The following IREB2 variants were observed in gnomAD, a reference collection of about 807,000 sequenced individuals.
The protein encoded by IREB2 is iron responsive element binding protein 2.
In IREB2, 39 loss-of-function variants were observed where a neutral mutation model predicts 118.8. That is an observed-to-expected ratio of 0.33 (90% confidence interval 0.25 to 0.43). The LOEUF (loss-of-function observed/expected upper bound fraction) is 0.43, where lower values mean the gene tolerates loss of function less well. Among genes scored for constraint, IREB2 ranks in the 20% least tolerant of loss-of-function variants. The pLI is 1.00. For missense variants in IREB2, 900 were observed against 1,147.3 expected (o/e 0.78, Z 3.11); for synonymous variants, 372 against 392.2 (o/e 0.95, Z 0.61).
intron 2 of IREB2, among the ~76,000 whole-genome samples, chr15:78,442,330 G>A (rs996885818): frequency 2.0e-5 from 3 of 152,184 alleles, no homozygotes; most frequent in Non-Finnish European, 4.4e-5. Flanking sequence ...GAAGTATTTG[G>A]TTGTTTAACC....
Position 78,477,460 on chromosome 15 carries a change from T to C in IREB2, c.1196-837T>C, listed in dbSNP as rs117792246. Among the ~76,000 whole-genome samples, 1,224 of 152,286 alleles carry C rather than the reference T, an allele frequency of 8.0e-3. 8 individuals carry two copies. The highest frequency in any genetic ancestry group is 0.017 in the Middle Eastern group (5 of 294). ...GCTGTCAGCTGAGGACTTAGGTAAG[T>C]CTATCAGGCAAAACACCCTCATGTG... On this transcript the variant is annotated intron_variant, in intron 9 of 21. Transcript: ENST00000258886.
Position 78,465,299 on chromosome 15 carries a change from A to G in IREB2, c.321A>G (p.Lys107=), listed in dbSNP as rs780324273. The change falls in exon 4 of 22, where the codon AAA becomes AAG. Residue 107 remains lysine, a synonymous_variant. Coordinates refer to ENST00000258886, the MANE Select transcript of IREB2 (RefSeq NM_004136.4). ...VDFAAMREAV[K]TLGGDPEKVH... Reference sequence around the variant, plus strand: ...TTGCTGCTATGAGGGAGGCAGTGAAAACTCTTGGAGGTGATCCTGAGAAAG... The same window carrying G: ...TTGCTGCTATGAGGGAGGCAGTGAAGACTCTTGGAGGTGATCCTGAGAAAG... The G allele has an allele frequency of 1.1e-5, 17 of 1,613,008 alleles. No homozygotes were observed. The highest frequency in any genetic ancestry group is 1.2e-5 in the Non-Finnish European group (14 of 1,179,642).
chr15:78,454,877 A>G (rs754576457), intron 2 of IREB2, among the ~76,000 whole-genome samples: 2 of 152,138 alleles, frequency 1.3e-5, no homozygotes, highest in African/African-American at 2.4e-5. Flanking sequence ...ATTTTCTTGT[A>G]GAGATGATCT....
In IREB2 at chr15:78,443,273, G is replaced by A. The variant is rs576567474; in HGVS notation, c.106+3392G>A. 2.6e-5 allele frequency among the ~76,000 whole-genome samples: 4 copies of A among 152,270 alleles called. No homozygotes were observed. In the South Asian group the frequency reaches 6.2e-4, roughly 24 times the overall value. On this transcript the variant is annotated intron_variant, in intron 2 of 21. Transcript: ENST00000258886. ...AGTATCTTATTGTGCTGTTCTGCAG[G>A]TAACTGAAACCACAGAAAGCCAAAC...
chr15:78,488,266 C>T lies in IREB2; in HGVS notation c.1881C>T (p.Ala627=). 1.2e-6 allele frequency: 2 copies of T among 1,611,676 alleles called. No homozygotes were observed. Among genetic ancestry groups the T allele is most frequent in the African/African-American group, 1.3e-5 (1 of 74,906 alleles). Reference sequence around the variant, plus strand: ...ATTGTGTTCGTGCCAATTATCTTGCCTCTCCACCCTTAGTGGTAGCTTATG... The same window carrying T: ...ATTGTGTTCGTGCCAATTATCTTGCTTCTCCACCCTTAGTGGTAGCTTATG... ...LCDCVRANYL[A]SPPLVVAYAI... Residue 627 remains alanine (A), a synonymous_variant, in exon 15 of 22, where the codon GCC becomes GCT. Coordinates refer to ENST00000258886, the MANE Select transcript of IREB2 (RefSeq NM_004136.4).
intron 11 of IREB2, 72 bp from the exon 12 acceptor site, chr15:78,484,689 T>C (rs2051629911): frequency 1.9e-6 from 2 of 1,062,658 alleles, no homozygotes; most frequent in Admixed American, 2.2e-5. Context: ...GTATCTGCTA[T>C]GTTTTCTGCC....
At chr15:78,460,720 GA>G (rs1387634146) in intron 2 of IREB2, among the ~76,000 whole-genome samples, 2 of 152,176 alleles carry the variant, frequency 1.3e-5, no homozygotes, top group African/African-American at 2.4e-5. Flanking sequence ...TTCAGTGACA[GA>G]GCTAGAAAAT....
chr15:78,460,850 A>G (rs1168952694), intron 2 of IREB2, among the ~76,000 whole-genome samples: 1 of 152,112 alleles, frequency 6.6e-6, no homozygotes, highest in Non-Finnish European at 1.5e-5. Flanking sequence ...AATAAGCTTC[A>G]TTTTAAAAAA....
chr15:78,447,002 A>G (rs2050940656), intron 2 of IREB2, among the ~76,000 whole-genome samples: 2 of 152,206 alleles, frequency 1.3e-5, no homozygotes, highest in Non-Finnish European at 2.9e-5. Context: ...ACTTTCTTCT[A>G]CATTAAATTG....
Position 78,498,219 on chromosome 15 carries a change from T to A in IREB2, c.*76T>A, listed in dbSNP as rs2051873118. On this transcript the variant is annotated 3_prime_UTR_variant, in exon 22 of 22. Coordinates refer to ENST00000258886, the MANE Select transcript of IREB2 (RefSeq NM_004136.4). ...GTGCTGGACCCAGGAATCCTTACCATGGAGCAGCAGATAGTCCCAGTATAC... is the reference window on the plus strand; with the variant it reads ...GTGCTGGACCCAGGAATCCTTACCAAGGAGCAGCAGATAGTCCCAGTATAC... 1.3e-6 allele frequency: 1 copy of A among 784,404 alleles called. No homozygotes were observed. Among genetic ancestry groups the A allele is most frequent in the East Asian group, 2.5e-5 (1 of 39,600 alleles). The allele number at this position is 784,404 out of a possible 1,614,324, so 48.6% of individuals were successfully genotyped here.
chr15:78,498,327 C>T lies in IREB2; in HGVS notation c.*184C>T, dbSNP rs370292469. 9.2e-5 allele frequency: 41 copies of T among 443,722 alleles called. No homozygotes were observed. The highest frequency in any genetic ancestry group is 6.7e-4 in the East Asian group (18 of 26,886). 27.5% of individuals were successfully genotyped at this position (443,722 alleles called of 1,614,324 possible). On this transcript the variant is annotated 3_prime_UTR_variant, in exon 22 of 22. Transcript: ENST00000258886. The stretch of plus-strand genomic sequence containing the variant: ...AATCTTCTTGATTTTAAATAATATA[C>T]GAATGGTGCTATTAATATTGCTAAA...
At chr15:78,492,079 C>T (rs1001366829) in intron 18 of IREB2, among the ~76,000 whole-genome samples, 1 of 152,136 alleles carries the variant, frequency 6.6e-6, no homozygotes, top group African/African-American at 2.4e-5. Flanking sequence ...AACCTCCTAC[C>T]ACTCCCATCC....
rs1596004452 is a variant in IREB2 at position 78,476,241 on chromosome 15, A to G, written c.1077A>G (p.Gly359=). Residue 359 remains glycine, a synonymous_variant, in exon 9 of 22, where the codon GGA becomes GGG. Transcript: ENST00000258886. ...AGTTTGTTGAGTTTTTTGGAAGTGG[A>G]GTTTCACAATTATCTATAGTTGATC... The part of the protein sequence containing the change: ...AGKFVEFFGS[G]VSQLSIVDRT... 2 of 1,602,664 alleles carry G rather than the reference A, an allele frequency of 1.2e-6. No individual in the cohort carries two copies.
Position 78,490,742 on chromosome 15 carries a change from A to C in IREB2, c.2305A>C (p.Lys769Gln). 1 of 1,614,122 alleles carries C rather than the reference A, an allele frequency of 6.2e-7. No individual in the cohort carries two copies. Among genetic ancestry groups the C allele is most frequent in the South Asian group, 1.1e-5 (1 of 91,084 alleles). Residue 769 changes from lysine (K) to glutamine (Q), a missense_variant, in exon 18 of 22, where the codon AAG becomes CAG. Physicochemically the swap from Lys to Gln is moderately conservative, Grantham distance 53. Transcript: ENST00000258886. The part of the protein sequence containing the change: ...GSIARNSAAA[K>Q]YLTNRGLTPR... ...TATCGCTAGGAATAGTGCTGCCGCTAAGTATTTGACAAACAGAGGGTATGT... is the reference window on the plus strand; with the variant it reads ...TATCGCTAGGAATAGTGCTGCCGCTCAGTATTTGACAAACAGAGGGTATGT...
chr15:78,451,530 C>T (rs1208183489), intron 2 of IREB2, among the ~76,000 whole-genome samples: 1 of 152,084 alleles, frequency 6.6e-6, no homozygotes, highest in Non-Finnish European at 1.5e-5. Context: ...AACAGTTTTT[C>T]TGCTTCTTAG....
rs115506959 is a variant in IREB2, at chr15:78,466,496, G to T, written c.629+7G>T. 3,003 of 1,595,838 alleles carry T rather than the reference G, an allele frequency of 1.9e-3. 49 individuals are homozygous for T. In the African/African-American group the frequency reaches 0.034, roughly 18 times the overall value. On this transcript the variant is annotated splice_region_variant and intron_variant, in intron 5 of 21. Coordinates refer to ENST00000258886, the MANE Select transcript of IREB2 (RefSeq NM_004136.4). ...ATTTGCAACCAGTGCCTGAGTATGAGATTGTTTTTCTTAAAGTTTATTAAT... is the reference window on the plus strand; with the variant it reads ...ATTTGCAACCAGTGCCTGAGTATGATATTGTTTTTCTTAAAGTTTATTAAT...
chr15:78,482,118 T>A (rs1184833543), intron 10 of IREB2, among the ~76,000 whole-genome samples: 1 of 152,054 alleles, frequency 6.6e-6, no homozygotes, highest in African/African-American at 2.4e-5. Context: ...TAGTCCCAGC[T>A]ACTTGTGGGG....
Position 78,473,389 on chromosome 15 carries a change from A to G in IREB2, c.1023+8A>G, listed in dbSNP as rs770392233. The G allele has an allele frequency of 3.7e-6, 6 of 1,611,472 alleles. No homozygotes were observed. In the East Asian group the frequency reaches 6.7e-5, roughly 18 times the overall value. On this transcript the variant is annotated splice_region_variant and intron_variant, in intron 8 of 21. Coordinates refer to ENST00000258886, the MANE Select transcript of IREB2 (RefSeq NM_004136.4). ...GTTCTTGGTATTACAAAGGTAAGTT[A>G]AAGTTGTGGTAGCTCTATGACTTAC...
chr15:78,440,906 A>G (rs1485420987), intron 2 of IREB2, among the ~76,000 whole-genome samples: 1 of 152,094 alleles, frequency 6.6e-6, no homozygotes, highest in African/African-American at 2.4e-5. Flanking sequence ...GGAAGTTTTG[A>G]CTTTACTAAC....
Sources: gnomAD v4.1 joint callset for allele counts (sites outside exome capture counted in the v4.1 genomes callset) on GRCh38, gnomAD v4.1.1 for gene constraint, MANE v1.5 for transcripts, NCBI Gene and HGNC (gene_info 2026-07-23, HGNC 2026-07-21) for gene names.